Variants in LRIT1 observed in about 807,000 individuals in gnomAD.
LRIT1 encodes leucine rich repeat, Ig-like and transmembrane domains 1.
A neutral mutation model predicts 24.0 loss-of-function variants in LRIT1; 23 were observed. That is an observed-to-expected ratio of 0.96 (90% CI 0.69 to 1.36). LRIT1 has a LOEUF of 1.36. Ranked by LOEUF, LRIT1 falls within the 40% of genes most tolerant of loss-of-function variation. The pLI, the probability that LRIT1 is intolerant of heterozygous loss-of-function variation, is 0.00. For missense variants in LRIT1, 846 were observed against 806.3 expected, an observed-to-expected ratio of 1.05 and a Z score of -0.60; for synonymous variants, 361 against 340.5, an observed-to-expected ratio of 1.06 and a Z score of -0.66.
At chr10:84,237,732 CTG>C (rs1188418921) in intron 1 of LRIT1, 46 bp from the exon 2 acceptor site, 29 of 1,455,762 alleles carry the variant, frequency 2.0e-5, no homozygotes, top group Non-Finnish European at 2.7e-5. Context: ...CCTGCCGGGT[CTG>C]GGATCTCCCA....
rs1842599004 is a variant in LRIT1, at chr10:84,231,845, G to A, written c.*82C>T. ...AGTAAGCAGGTACCCGAGCAGGTAA[G>A]AGTGGGTGATCGTGTACTCAGGTGT... On this transcript the variant is annotated 3_prime_UTR_variant, in exon 4 of 4. Transcript: ENST00000372105. 4 of 1,473,142 alleles carry A rather than the reference G, an allele frequency of 2.7e-6. No individual in the cohort carries two copies. The highest frequency in any genetic ancestry group is 3.6e-6 in the Non-Finnish European group (4 of 1,097,554). The allele number at this position is 1,473,142 out of a possible 1,614,324, so 91.3% of individuals were successfully genotyped here. A position where few individuals can be genotyped will look rare whatever the true frequency, so the allele number is the denominator to read the frequency against.
At chr10:84,240,909 G>C (rs1842686031) in intron 1 of LRIT1, among the ~76,000 whole-genome samples, 1 of 152,120 alleles carries the variant, frequency 6.6e-6, no homozygotes. Flanking sequence ...TCAGGCAAGA[G>C]AGTGCAAGTG....
intron 1 of LRIT1, among the ~76,000 whole-genome samples, chr10:84,238,583 T>G (rs1180231736): frequency 2.6e-5 from 4 of 152,126 alleles, no homozygotes; most frequent in Non-Finnish European, 4.4e-5. Context: ...TGTGTGTCCT[T>G]GAGTACATTA....
rs747445512 is a variant in LRIT1, at chr10:84,232,354, C to G, written c.1445G>C (p.Arg482Thr). The G allele has an allele frequency of 1.9e-5, 31 of 1,613,892 alleles. No homozygotes were observed. The East Asian group carries it at 6.5e-4, about 34-fold the overall frequency. ...RRVIVQPGKT[R>T]VTITGLLPKT... Reference sequence around the variant, plus strand: ...GGGCAACAGCCCAGTGATGGTCACTCTGGTCTTCCCAGGCTGCACAATCAC... The same window carrying G: ...GGGCAACAGCCCAGTGATGGTCACTGTGGTCTTCCCAGGCTGCACAATCAC... Residue 482 changes from arginine to threonine, a missense_variant, in exon 4 of 4, where the codon AGA becomes ACA. By Grantham distance (71) the Arg-to-Thr change is moderately conservative. Transcript: ENST00000372105.
At chr10:84,235,960 C>G (rs1208605219) in intron 2 of LRIT1, among the ~76,000 whole-genome samples, 1 of 151,332 alleles carries the variant, frequency 6.6e-6, no homozygotes, top group African/African-American at 2.4e-5. Context: ...CCTGATAACT[C>G]CACTTCTCAG....
rs1360551055 is a variant in LRIT1 at position 84,231,961 on chromosome 10, T to C, written c.1838A>G (p.Lys613Arg). The change falls in exon 4 of 4, where the codon AAA becomes AGA. Residue 613 changes from lysine (K) to arginine (R), a missense_variant. Transcript: ENST00000372105. ...GTACTCATTGATTCTCCTGCCCCCTTTGACTCCAAAGGCCTGAAAGTCCAC... is the reference window on the plus strand; with the variant it reads ...GTACTCATTGATTCTCCTGCCCCCTCTGACTCCAAAGGCCTGAAAGTCCAC... The part of the protein sequence containing the change: ...SSVDFQAFGV[K>R]GGRRINEYFC 1.2e-6 allele frequency: 2 copies of C among 1,611,938 alleles called. No individual in the cohort carries two copies. The highest frequency in any genetic ancestry group is 3.3e-5 in the Admixed American group (2 of 59,960).
chr10:84,234,012 G>A, intron 3 of LRIT1, 61 bp downstream of exon 3: 1 of 1,361,904 alleles, frequency 7.3e-7, no homozygotes. Context: ...TCCCCATTTG[G>A]GGAGCTGCTT....
At position 84,232,061 on chromosome 10, in the gene LRIT1, T is replaced by C. The variant is rs1564542396; in HGVS notation, c.1738A>G (p.Ser580Gly). ...TYVNLERLGY[S>G]EDGLEELSRH... is the part of the protein sequence containing the mutation. Reference sequence around the variant, plus strand: ...GACAGCTCCTCCAAGCCGTCCTCGCTGTAGCCCAGTCTCTCTAGGTTGACG... The same window carrying C: ...GACAGCTCCTCCAAGCCGTCCTCGCCGTAGCCCAGTCTCTCTAGGTTGACG... The change falls in exon 4 of 4, where the codon AGC becomes GGC. Residue 580 changes from serine (S) to glycine (G), a missense_variant. Transcript: ENST00000372105. The C allele has an allele frequency of 6.2e-7, 1 of 1,614,204 alleles. No homozygotes were observed.
rs761755166 is a variant in LRIT1, at chr10:84,241,395, C to G, written c.45G>C (p.Trp15Cys). 5 of 1,610,242 alleles carry G rather than the reference C, an allele frequency of 3.1e-6. No individual in the cohort carries two copies. Among genetic ancestry groups the G allele is most frequent in the East Asian group, 2.2e-5 (1 of 44,716 alleles). ...GGCAGAAGCCCCGGGCCTGGGGGGG[C>G]CACGCAAGGGCCAAGAGCCAGAGCA... Reference protein sequence around the residue: ...LGMLWLLALAWPPQARGFCPS... With the variant: ...LGMLWLLALACPPQARGFCPS... Residue 15 changes from tryptophan (W) to cysteine (C), a missense_variant, in exon 1 of 4, where the codon TGG (tryptophan) becomes TGC (cysteine). Physicochemically the swap from Trp to Cys is radical, Grantham distance 215. Coordinates refer to ENST00000372105, the MANE Select transcript of LRIT1 (RefSeq NM_015613.3).
At position 84,232,742 on chromosome 10, in the gene LRIT1, C is replaced by T. The variant is rs12249354; in HGVS notation, c.1057G>A (p.Glu353Lys). The T allele has an allele frequency of 6.2e-7, 1 of 1,614,094 alleles. No individual in the cohort carries two copies. Among genetic ancestry groups the T allele is most frequent in the East Asian group, 2.2e-5 (1 of 44,888 alleles). ...AGTGCTCCTGGGCTCCCACTGTGTTCTGTGGAAGTCGGTGGCTCAGTGACA... is the reference window on the plus strand; with the variant it reads ...AGTGCTCCTGGGCTCCCACTGTGTTTTGTGGAAGTCGGTGGCTCAGTGACA... ...LIVTEPPTST[E>K]HSGSPGALWA... The change falls in exon 4 of 4, where the codon GAA (glutamate) becomes AAA (lysine). Residue 353 changes from glutamate (E) to lysine (K), a missense_variant. Glu to Lys is a moderately conservative substitution (Grantham distance 56, BLOSUM62 1). Transcript: ENST00000372105.
chr10:84,239,877 C>A (rs1842679108), intron 1 of LRIT1, among the ~76,000 whole-genome samples: 1 of 152,194 alleles, frequency 6.6e-6, no homozygotes. Context: ...GACCTCAGGG[C>A]CCGCTACCAC....
At chr10:84,239,987 G>A (rs1001736687) in intron 1 of LRIT1, among the ~76,000 whole-genome samples, 14 of 152,202 alleles carry the variant, frequency 9.2e-5, no homozygotes, top group African/African-American at 2.4e-4. Flanking sequence ...TTCAGAGAAG[G>A]GAATGCCCAC....
intron 2 of LRIT1, 85 bp from the exon 3 acceptor site, chr10:84,234,463 G>A (rs1842632418): frequency 1.2e-5 from 13 of 1,106,554 alleles, no homozygotes; most frequent in Non-Finnish European, 1.7e-5. Context: ...TGGAAGGACA[G>A]GCAGGTCCTC....
intron 2 of LRIT1, among the ~76,000 whole-genome samples, chr10:84,235,428 A>G (rs980530059): frequency 1.3e-5 from 2 of 152,204 alleles, no homozygotes; most frequent in Admixed American, 6.5e-5. Context: ...GTGGTGAGCT[A>G]CCTGGCTTTC....
At chr10:84,241,232 G>A in intron 1 of LRIT1, 86 bp downstream of exon 1, 2 of 1,590,980 alleles carry the variant, frequency 1.3e-6, no homozygotes, top group Non-Finnish European at 1.7e-6. Flanking sequence ...CCTCACCCAG[G>A]GCCCCAGCTC....
At chr10:84,235,656 G>A (rs1050544482) in intron 2 of LRIT1, among the ~76,000 whole-genome samples, 4 of 152,100 alleles carry the variant, frequency 2.6e-5, no homozygotes, top group Non-Finnish European at 4.4e-5. Context: ...CATTGCCCAG[G>A]CTGGAGTGCA....
rs762983464 is a variant in LRIT1 at position 84,237,381 on chromosome 10, A to G, written c.428T>C (p.Leu143Pro). The G allele has an allele frequency of 3.2e-5, 50 of 1,548,844 alleles. No homozygotes were observed. Among genetic ancestry groups the G allele is most frequent in the Non-Finnish European group, 4.1e-5 (47 of 1,146,898 alleles). ...LRLLDLQANR[L>P]SAVPAEAARF... ...CGCGGCCTCAGCGGGCACAGCCGAG[A>G]GGCGGTTGGCCTGCAGGTCCAGCAG... The change falls in exon 2 of 4, where the codon CTC (leucine) becomes CCC (proline). Residue 143 changes from leucine (L) to proline (P), a missense_variant. Transcript: ENST00000372105.
intron 3 of LRIT1, 42 bp downstream of exon 3, chr10:84,234,031 C>G: frequency 7.1e-7 from 1 of 1,401,000 alleles, no homozygotes; most frequent in Non-Finnish European, 9.3e-7. Flanking sequence ...TTTGCCCTCC[C>G]CAGTCTAGGT....
Position 84,234,101 on chromosome 10 carries a change from C to T in LRIT1, c.867G>A (p.Arg289=), listed in dbSNP as rs868164742. 50 of 1,571,978 alleles carry T rather than the reference C, an allele frequency of 3.2e-5. 1 individual carries two copies. The Middle Eastern group carries it at 5.3e-3, about 168-fold the overall frequency. Residue 289 remains arginine (R), a synonymous_variant, in exon 3 of 4, where the codon AGG becomes AGA. Transcript: ENST00000372105. ...TACCATTAAGGGGCCTGCCATTGGC[C>T]CTCCTCCAGCTCATCTCGGGCCCAG... is the stretch of plus-strand genomic sequence containing the variant. ...GVPGPEMSWR[R]ANGRPLNGTV...
Sources: allele counts gnomAD v4.1 joint callset (sites outside exome capture counted in the v4.1 genomes callset), GRCh38; gene constraint gnomAD v4.1.1; transcripts MANE v1.5; gene names NCBI Gene and HGNC (gene_info 2026-07-23, HGNC 2026-07-21).